The following DLGAP2 variants were observed in gnomAD, a reference collection of about 807,000 sequenced individuals.
DLGAP2 encodes DLG associated protein 2, also known as disks large-associated protein 2.
Under a neutral mutation model 100.3 loss-of-function variants are expected in DLGAP2, and 26 were observed. The observed-to-expected ratio is 0.26, with a 90% CI of 0.19 to 0.36. The LOEUF (loss-of-function observed/expected upper bound fraction) is 0.36. Ranked by LOEUF, DLGAP2 falls within the 10% of genes least tolerant of loss-of-function variation. DLGAP2 has a pLI of 1.00. For missense variants in DLGAP2, 1,858 were observed against 1,453.2 expected (o/e 1.28, Z -4.53); for synonymous variants, 886 against 630.1 (o/e 1.41, Z -6.08).
chr8:967,468 G>C (rs997529868), intron 2 of DLGAP2, among the ~76,000 whole-genome samples: 1 of 152,026 alleles, frequency 6.6e-6, no homozygotes, highest in Non-Finnish European at 1.5e-5. Flanking sequence ...GCCCTTAATT[G>C]TTTGGATGCC....
intron 2 of DLGAP2, among the ~76,000 whole-genome samples, chr8:1,173,588 T>C (rs62488986): frequency 0.19 from 28,281 of 152,182 alleles, 2,804 homozygotes; most frequent in Middle Eastern, 0.35. Flanking sequence ...TGGGCAATGG[T>C]GGGCGCCCCT....
At chr8:882,800 A>G (rs1275063123) in intron 1 of DLGAP2, among the ~76,000 whole-genome samples, 2 of 152,268 alleles carry the variant, frequency 1.3e-5, no homozygotes, top group South Asian at 2.1e-4. Context: ...TGCCTGGCCC[A>G]GCGGCATCTC....
chr8:1,287,504 T>TG (rs1799959874), intron 3 of DLGAP2, among the ~76,000 whole-genome samples: 2 of 38,918 alleles, frequency 5.1e-5, no homozygotes, highest in African/African-American at 3.3e-4. Flanking sequence ...GTGGTTCTGT[T>TG]AGGAGGGGAA....
At chr8:1,386,794 A>C (rs575779109) in intron 3 of DLGAP2, among the ~76,000 whole-genome samples, 10 of 152,204 alleles carry the variant, frequency 6.6e-5, no homozygotes, top group South Asian at 2.1e-4. Flanking sequence ...TCCAAAGAAA[A>C]AAAGGATTGA....
intron 3 of DLGAP2, among the ~76,000 whole-genome samples, chr8:1,363,522 C>T (rs1236268521): frequency 6.6e-6 from 1 of 152,240 alleles, no homozygotes; most frequent in East Asian, 1.9e-4. Flanking sequence ...GAGCTCAGGG[C>T]ACGTTTCCCT....
At chr8:897,652 C>T (rs1798169247) in intron 1 of DLGAP2, among the ~76,000 whole-genome samples, 2 of 152,294 alleles carry the variant, frequency 1.3e-5, no homozygotes, top group South Asian at 4.1e-4. Flanking sequence ...TTCCCTCTGC[C>T]GCCCCTTCCC....
chr8:1,624,394 C>T (rs1333567813), intron 6 of DLGAP2, among the ~76,000 whole-genome samples: 3 of 151,994 alleles, frequency 2.0e-5, no homozygotes, highest in Admixed American at 6.6e-5. Flanking sequence ...CCACACTGCT[C>T]GGGCTCCATA....
At chr8:1,504,434 C>T (rs543148655) in intron 4 of DLGAP2, among the ~76,000 whole-genome samples, 1 of 152,280 alleles carries the variant, frequency 6.6e-6, no homozygotes, top group East Asian at 1.9e-4. Flanking sequence ...CATCTCTTAG[C>T]AGTTTTCAAG....
chr8:1,262,300 A>T (rs972535184), intron 3 of DLGAP2: 1 of 152,202 alleles, frequency 6.6e-6, no homozygotes, highest in Non-Finnish European at 1.5e-5. Flanking sequence ...TCAATATGCA[A>T]ATTACTTACA....
chr8:1,368,571 A>T (rs1378631355), intron 3 of DLGAP2: 1 of 152,182 alleles, frequency 6.6e-6, no homozygotes, highest in Admixed American at 6.5e-5. Flanking sequence ...ACATGGGCCT[A>T]TTTGGGGAGG....
chr8:846,265 T>A (rs548602604), intron 1 of DLGAP2, among the ~76,000 whole-genome samples: 11 of 152,206 alleles, frequency 7.2e-5, no homozygotes, highest in Non-Finnish European at 1.6e-4. Context: ...CTTTGTGCTA[T>A]TGACCTTCCT....
At chr8:1,003,723 T>A (rs1584964120) in intron 2 of DLGAP2, among the ~76,000 whole-genome samples, 1 of 152,180 alleles carries the variant, frequency 6.6e-6, no homozygotes, top group East Asian at 1.9e-4. Context: ...TTGTAGCTCA[T>A]CTAGGGCTGT....
chr8:844,064 G>T (rs1490943586), intron 1 of DLGAP2, among the ~76,000 whole-genome samples: 1 of 152,154 alleles, frequency 6.6e-6, no homozygotes, highest in Non-Finnish European at 1.5e-5. Flanking sequence ...GATATGGAGT[G>T]CTCTACTAAT....
chr8:1,177,335 C>G (rs1273358995), intron 2 of DLGAP2, among the ~76,000 whole-genome samples: 3 of 152,220 alleles, frequency 2.0e-5, no homozygotes, highest in African/African-American at 7.2e-5. Context: ...GGCATTATAT[C>G]ATAAGCCTGG....
chr8:998,936 G>T (rs1015925221), intron 2 of DLGAP2, among the ~76,000 whole-genome samples: 2 of 152,150 alleles, frequency 1.3e-5, no homozygotes, highest in Non-Finnish European at 2.9e-5. Flanking sequence ...AGCCACAGCT[G>T]CTGTTATCCT....
chr8:1,175,240 A>C (rs1276333283), intron 2 of DLGAP2, among the ~76,000 whole-genome samples: 1 of 151,626 alleles, frequency 6.6e-6, no homozygotes, highest in African/African-American at 2.4e-5. Flanking sequence ...CACATGCTTG[A>C]TTTTAAAAAA....
At chr8:1,523,629 G>T (rs1181212176) in intron 4 of DLGAP2, among the ~76,000 whole-genome samples, 1 of 152,228 alleles carries the variant, frequency 6.6e-6, no homozygotes, top group East Asian at 1.9e-4. Flanking sequence ...CTGCAGGGCA[G>T]GGCTTTGGTG....
intron 2 of DLGAP2, among the ~76,000 whole-genome samples, chr8:1,182,611 A>G (rs1033643141): frequency 6.6e-6 from 1 of 152,152 alleles, no homozygotes; most frequent in Non-Finnish European, 1.5e-5. Context: ...CTAGGAAATG[A>G]GTGCTTTTGG....
intron 8 of DLGAP2, among the ~76,000 whole-genome samples, chr8:1,667,977 G>A (rs544941508): frequency 4.0e-5 from 6 of 151,786 alleles, no homozygotes; most frequent in African/African-American, 9.7e-5. Context: ...TTTAAATGAC[G>A]CCACACCTGC....
Sources: allele counts gnomAD v4.1 joint callset (sites outside exome capture counted in the v4.1 genomes callset), GRCh38; gene constraint gnomAD v4.1.1; transcripts MANE v1.5; gene names NCBI Gene and HGNC (gene_info 2026-07-23, HGNC 2026-07-21).